RORB: variants seen among roughly 807,000 people sequenced by gnomAD.
RORB encodes the protein RAR related orphan receptor B.
Under a neutral mutation model 59.1 loss-of-function variants are expected in RORB, and 6 were observed. The observed-to-expected ratio is 0.10, with a 90% CI of 0.06 to 0.20. The LOEUF is 0.20. RORB is among the 10% of genes least tolerant of loss of function. RORB has a pLI of 1.00. For synonymous variants in RORB, 215 were observed against 204.5 expected, an observed-to-expected ratio of 1.05 and a Z score of -0.44; for missense variants, 320 against 560.5, an observed-to-expected ratio of 0.57 and a Z score of 4.33.
intron 1 of RORB, among the ~76,000 whole-genome samples, chr9:74,549,781 G>A (rs1326613128): frequency 6.6e-6 from 1 of 152,082 alleles, no homozygotes; most frequent in Non-Finnish European, 1.5e-5. Flanking sequence ...AGGCTGGAGT[G>A]CAGTGGCGCG....
At chr9:74,643,627 A>G (rs1823846789) in intron 4 of RORB, among the ~76,000 whole-genome samples, 1 of 152,242 alleles carries the variant, frequency 6.6e-6, no homozygotes, top group African/African-American at 2.4e-5. Flanking sequence ...GGTTTAACAC[A>G]TTACTCTCCT....
chr9:74,588,201 C>G (rs1006055688), intron 1 of RORB, among the ~76,000 whole-genome samples: 1 of 152,036 alleles, frequency 6.6e-6, no homozygotes, highest in Non-Finnish European at 1.5e-5. Flanking sequence ...GTGGGGCAAG[C>G]GTAATAATTA....
At chr9:74,503,837 T>C (rs1485128065) in intron 1 of RORB, among the ~76,000 whole-genome samples, 1 of 152,062 alleles carries the variant, frequency 6.6e-6, no homozygotes, top group African/African-American at 2.4e-5. Flanking sequence ...TATAATAGGC[T>C]ATGTTAACTA....
chr9:74,627,535 C>T (rs1322811561), intron 1 of RORB, among the ~76,000 whole-genome samples: 2 of 152,158 alleles, frequency 1.3e-5, no homozygotes, highest in Non-Finnish European at 2.9e-5. Flanking sequence ...AAGATAACCT[C>T]TGTGGCTTTC....
chr9:74,586,631 G>GTGTGTT (rs1822804336), intron 1 of RORB, among the ~76,000 whole-genome samples: 1 of 151,626 alleles, frequency 6.6e-6, no homozygotes, highest in African/African-American at 2.4e-5. Context: ...GTGTGTGTGT[G>GTGTGTT]TGTGTGTATT....
chr9:74,662,793 A>G (rs1824210386), intron 6 of RORB, among the ~76,000 whole-genome samples, 187 bp downstream of exon 6: 1 of 152,194 alleles, frequency 6.6e-6, no homozygotes, highest in African/African-American at 2.4e-5. Context: ...TCCCCTTTGA[A>G]GTCAAATACA....
At chr9:74,630,258 A>G (rs759761555) in intron 1 of RORB, 24 bp from the exon 2 acceptor site, 1 of 1,609,918 alleles carries the variant, frequency 6.2e-7, no homozygotes, top group Admixed American at 1.7e-5. Flanking sequence ...CTGTATGCTC[A>G]AAATGTCTGT....
At chr9:74,666,845 G>A (rs1003119787) in intron 7 of RORB, among the ~76,000 whole-genome samples, 2 of 152,194 alleles carry the variant, frequency 1.3e-5, no homozygotes, top group Admixed American at 6.5e-5. Context: ...TCAGTGCATG[G>A]CATGGTAGGA....
chr9:74,678,542 G>A (rs577404973), intron 9 of RORB, among the ~76,000 whole-genome samples: 1 of 152,260 alleles, frequency 6.6e-6, no homozygotes, highest in South Asian at 2.1e-4. Flanking sequence ...GCTAATAAGT[G>A]AAATTGTACT....
intron 4 of RORB, among the ~76,000 whole-genome samples, chr9:74,656,540 A>C (rs1428456937): frequency 6.6e-6 from 1 of 152,234 alleles, no homozygotes; most frequent in Non-Finnish European, 1.5e-5. Flanking sequence ...GTTCGAGAAC[A>C]GCCTGGCCAA....
chr9:74,646,935 C>T (rs1823909941), intron 4 of RORB, among the ~76,000 whole-genome samples: 1 of 152,134 alleles, frequency 6.6e-6, no homozygotes. Flanking sequence ...TGAGCCACAT[C>T]TCTTATCAGG....
chr9:74,688,505 G>T lies in RORB; in HGVS notation c.*2887G>T, dbSNP rs189930862. ...CTGGAAGAAAAAATCCACAATCTGG[G>T]CTTCTCACTTCGTGCTTCATAAATG... On this transcript the variant is annotated 3_prime_UTR_variant, in exon 10 of 10. Coordinates refer to ENST00000376896, the MANE Select transcript of RORB (RefSeq NM_006914.4). 3.9e-5 allele frequency: 6 copies of T among 152,124 alleles called. No homozygotes were observed. Among genetic ancestry groups the T allele is most frequent in the Admixed American group, 1.3e-4 (2 of 15,280 alleles). The allele number at this position is 152,124 out of a possible 1,614,324, so 9.4% of individuals were successfully genotyped here. A position where few individuals can be genotyped will look rare whatever the true frequency, so the allele number is the denominator to read the frequency against.
chr9:74,584,879 G>GA (rs1822775509), intron 1 of RORB, among the ~76,000 whole-genome samples: 4 of 152,174 alleles, frequency 2.6e-5, no homozygotes, highest in Non-Finnish European at 5.9e-5. Flanking sequence ...AAAGCTTCTG[G>GA]CACTAGGACT....
chr9:74,599,254 T>C (rs1823017962), intron 1 of RORB, among the ~76,000 whole-genome samples: 1 of 151,980 alleles, frequency 6.6e-6, no homozygotes. Flanking sequence ...TAAGTAAAAA[T>C]GGGCTTGTTT....
chr9:74,545,315 G>C (rs1250986817), intron 1 of RORB, among the ~76,000 whole-genome samples: 1 of 152,116 alleles, frequency 6.6e-6, no homozygotes, highest in African/African-American at 2.4e-5. Context: ...CACGTTGGTA[G>C]TTCTAGTTGG....
Position 74,497,753 on chromosome 9 carries a change from A to G in RORB, c.-224A>G, listed in dbSNP as rs1825733105. ...CCTGAAAACAAACAAACAAACAAAC[A>G]ATCATCAAAACAGTCACCACCAACA... On this transcript the variant is annotated 5_prime_UTR_variant, in exon 1 of 10. Coordinates refer to ENST00000376896, the MANE Select transcript of RORB (RefSeq NM_006914.4). 3 of 502,244 alleles carry G rather than the reference A, an allele frequency of 6.0e-6. No homozygotes were observed. Among genetic ancestry groups the G allele is most frequent in the Admixed American group, 3.2e-5 (1 of 30,962 alleles). 31.1% of individuals were successfully genotyped at this position (502,244 alleles called of 1,614,324 possible).
intron 1 of RORB, among the ~76,000 whole-genome samples, chr9:74,554,143 A>C (rs1056781366): frequency 6.6e-6 from 1 of 152,174 alleles, no homozygotes; most frequent in African/African-American, 2.4e-5. Context: ...ACAACCACTG[A>C]TTTACTCCAA....
intron 1 of RORB, among the ~76,000 whole-genome samples, chr9:74,615,274 T>G (rs543463696): frequency 1.8e-4 from 27 of 152,240 alleles, no homozygotes; most frequent in Non-Finnish European, 3.1e-4. Flanking sequence ...GGAATTTAAG[T>G]GCAGAAATTA....
chr9:74,681,228 G>GGCTGC (rs1344076146), intron 9 of RORB, among the ~76,000 whole-genome samples: 2 of 152,174 alleles, frequency 1.3e-5, no homozygotes, highest in African/African-American at 4.8e-5. Context: ...CTGCTGTGGA[G>GGCTGC]GCTGCTCTGA....
Sources: allele counts gnomAD v4.1 joint callset (sites outside exome capture counted in the v4.1 genomes callset), GRCh38; gene constraint gnomAD v4.1.1; transcripts MANE v1.5; gene names NCBI Gene and HGNC (gene_info 2026-07-23, HGNC 2026-07-21).